NCALD: variants seen among roughly 807,000 people sequenced by gnomAD.
NCALD encodes the protein neurocalcin-delta.
A neutral mutation model predicts 18.6 loss-of-function variants in NCALD; 10 were observed. That is an observed-to-expected ratio of 0.54 (90% confidence interval 0.33 to 0.91). The LOEUF (loss-of-function observed/expected upper bound fraction) is 0.91, where lower values mean the gene tolerates loss of function less well. Ranked by LOEUF, NCALD falls within the 40% of genes least tolerant of loss-of-function variation. The pLI, the probability that NCALD is intolerant of heterozygous loss-of-function variation, is 0.03. For missense variants in NCALD, 184 were observed against 247.6 expected, an observed-to-expected ratio of 0.74 and a Z score of 1.72; for synonymous variants, 88 against 87.4, an observed-to-expected ratio of 1.01 and a Z score of -0.04.
chr8:101,694,155 T>G (rs897840493), intron 2 of NCALD: 1 of 152,194 alleles, frequency 6.6e-6, no homozygotes, highest in Non-Finnish European at 1.5e-5. Context: ...TTTGGGCATC[T>G]TGGCCCTGGG....
At chr8:101,940,826 C>T (rs1818928806) in intron 2 of NCALD, among the ~76,000 whole-genome samples, 1 of 152,182 alleles carries the variant, frequency 6.6e-6, no homozygotes, top group Admixed American at 6.5e-5. Flanking sequence ...GTGCATCACA[C>T]AGAACAGCTA....
chr8:102,064,726 A>C (rs965287251), intron 1 of NCALD, among the ~76,000 whole-genome samples: 3 of 152,154 alleles, frequency 2.0e-5, no homozygotes, highest in Non-Finnish European at 2.9e-5. Context: ...CTGGTGTTCT[A>C]ATGATATGAA....
chr8:101,747,999 T>C (rs1810498125), intron 1 of NCALD, among the ~76,000 whole-genome samples: 2 of 152,144 alleles, frequency 1.3e-5, no homozygotes, highest in Non-Finnish European at 2.9e-5. Flanking sequence ...ATTACAGGCA[T>C]GAACCACCGC....
intron 1 of NCALD, among the ~76,000 whole-genome samples, chr8:102,058,896 C>T (rs1342365123): frequency 6.6e-6 from 1 of 152,180 alleles, no homozygotes; most frequent in African/African-American, 2.4e-5. Flanking sequence ...GTGAGAAGCA[C>T]TCTGTCCACC....
intron 1 of NCALD, among the ~76,000 whole-genome samples, chr8:102,050,258 G>A (rs1823398105): frequency 6.8e-6 from 1 of 147,994 alleles, no homozygotes; most frequent in South Asian, 2.1e-4. Context: ...ATGAGTCCTT[G>A]ATCAAATAAG....
chr8:101,739,293 AT>A (rs2130675650), intron 1 of NCALD, among the ~76,000 whole-genome samples: 1 of 152,296 alleles, frequency 6.6e-6, no homozygotes, highest in South Asian at 2.1e-4. Context: ...AGTTAAAAAA[AT>A]AATACCTGAT....
chr8:102,036,194 C>G (rs1345955315), intron 1 of NCALD, among the ~76,000 whole-genome samples: 2 of 151,748 alleles, frequency 1.3e-5, no homozygotes, highest in Admixed American at 1.3e-4. Flanking sequence ...CACCTGTAGT[C>G]CCAGCTACTC....
intron 4 of NCALD, among the ~76,000 whole-genome samples, chr8:101,881,180 G>A (rs779481965): frequency 2.9e-4 from 44 of 151,970 alleles, no homozygotes; most frequent in Non-Finnish European, 5.4e-4. Flanking sequence ...CAAATAAAAA[G>A]GAATTTTATT....
At chr8:101,862,558 G>C (rs1380423968) in intron 4 of NCALD, among the ~76,000 whole-genome samples, 1 of 152,140 alleles carries the variant, frequency 6.6e-6, no homozygotes, top group Non-Finnish European at 1.5e-5. Context: ...AGTAGCTAGT[G>C]ATTAATATCT....
At chr8:102,091,659 G>A (rs1824927688) in intron 1 of NCALD, among the ~76,000 whole-genome samples, 2 of 152,170 alleles carry the variant, frequency 1.3e-5, no homozygotes, top group South Asian at 2.1e-4. Flanking sequence ...ATATAGTGCT[G>A]TTGTACTCTG....
intron 2 of NCALD, among the ~76,000 whole-genome samples, chr8:101,948,751 G>C (rs1007278016): frequency 2.0e-5 from 3 of 152,168 alleles, no homozygotes; most frequent in African/African-American, 7.2e-5. Flanking sequence ...CCAGAGTGCA[G>C]GGCGGAGGTT....
intron 1 of NCALD, among the ~76,000 whole-genome samples, chr8:101,739,241 C>T (rs948575257): frequency 6.6e-6 from 1 of 152,042 alleles, no homozygotes; most frequent in Non-Finnish European, 1.5e-5. Flanking sequence ...TTCAGGTCTA[C>T]CCCAGTCTCC....
intron 4 of NCALD, among the ~76,000 whole-genome samples, chr8:101,849,473 C>T (rs1035448008): frequency 1.3e-5 from 2 of 152,036 alleles, no homozygotes; most frequent in Non-Finnish European, 2.9e-5. Flanking sequence ...AGCATAAATA[C>T]GGAGCTATGA....
At chr8:101,826,050 G>C (rs1813924652) in intron 4 of NCALD, among the ~76,000 whole-genome samples, 1 of 152,146 alleles carries the variant, frequency 6.6e-6, no homozygotes, top group Non-Finnish European at 1.5e-5. Context: ...ATATTTAGAG[G>C]AGAGGAGAGA....
chr8:102,004,861 C>G (rs1317060356), intron 2 of NCALD, among the ~76,000 whole-genome samples: 1 of 152,126 alleles, frequency 6.6e-6, no homozygotes, highest in African/African-American at 2.4e-5. Context: ...CTTCCTTACA[C>G]CTTATACAAA....
chr8:102,080,378 G>A (rs1015854337), intron 1 of NCALD, among the ~76,000 whole-genome samples: 1 of 152,066 alleles, frequency 6.6e-6, no homozygotes, highest in South Asian at 2.1e-4. Context: ...AATATACCAC[G>A]GCACACCACA....
chr8:101,974,802 T>C (rs1448733001), intron 2 of NCALD, among the ~76,000 whole-genome samples: 3 of 152,134 alleles, frequency 2.0e-5, no homozygotes, highest in Non-Finnish European at 2.9e-5. Context: ...GAAAGATCTA[T>C]GGGAAAACAC....
intron 1 of NCALD, among the ~76,000 whole-genome samples, chr8:102,048,988 T>C (rs1289510204): frequency 6.6e-6 from 1 of 152,186 alleles, no homozygotes; most frequent in Non-Finnish European, 1.5e-5. Context: ...TCCAATTCCA[T>C]AGGAAGAGAA....
intron 2 of NCALD, among the ~76,000 whole-genome samples, chr8:101,997,108 C>A (rs1230836222): frequency 6.6e-6 from 1 of 152,188 alleles, no homozygotes; most frequent in Non-Finnish European, 1.5e-5. Flanking sequence ...GCTTTTTAAG[C>A]TTTGCTCAAA....
Sources: allele counts gnomAD v4.1 joint callset (sites outside exome capture counted in the v4.1 genomes callset), GRCh38; gene constraint gnomAD v4.1.1; transcripts MANE v1.5; gene names NCBI Gene and HGNC (gene_info 2026-07-23, HGNC 2026-07-21).